The following HAUS1 variants were observed in gnomAD, a reference collection of about 807,000 sequenced individuals.
The protein encoded by HAUS1 is HAUS augmin like complex subunit 1.
In HAUS1, 25 loss-of-function variants were observed where a neutral mutation model predicts 38.6. The ratio of observed to expected loss-of-function variants is 0.65; its 90% CI spans 0.47 to 0.91. HAUS1 has a LOEUF of 0.91. Among genes scored for constraint, HAUS1 ranks in the 40% least tolerant of loss-of-function variants. The pLI, the probability that HAUS1 is intolerant of heterozygous loss-of-function variation, is 0.00. For synonymous variants in HAUS1, 109 were observed against 112.9 expected (o/e 0.97, Z 0.22); for missense variants, 325 against 328.4 (o/e 0.99, Z 0.08).
intron 2 of HAUS1, among the ~76,000 whole-genome samples, chr18:46,110,635 C>T (rs551487533): frequency 3.3e-5 from 5 of 152,134 alleles, no homozygotes; most frequent in African/African-American, 1.2e-4. Context: ...AGTCACCAAC[C>T]TGGCCTTTCA....
At chr18:46,126,164 A>T (rs58475017) in intron 8 of HAUS1, among the ~76,000 whole-genome samples, 2,671 of 152,214 alleles carry the variant, frequency 0.018, 100 homozygotes, top group African/African-American at 0.061. Context: ...AATCCCAGCT[A>T]CTTGGGAGGC....
chr18:46,121,309 C>G (rs867513302), intron 4 of HAUS1, among the ~76,000 whole-genome samples: 4 of 152,040 alleles, frequency 2.6e-5, no homozygotes, highest in African/African-American at 2.4e-5. Context: ...CCTGCCTCAG[C>G]CTTTCAAGTA....
rs1160848675 is a variant in HAUS1, at chr18:46,118,198, C to T, written c.223C>T (p.Leu75Phe). 6.2e-6 allele frequency: 10 copies of T among 1,611,916 alleles called. No individual in the cohort carries two copies. The highest frequency in any genetic ancestry group is 1.7e-5 in the Admixed American group (1 of 59,970). The change falls in exon 3 of 9, where the codon CTT (leucine) becomes TTT (phenylalanine). Residue 75 changes from leucine to phenylalanine, a missense_variant. Transcript: ENST00000282058. Reference sequence around the variant, plus strand: ...GTTTTTAGCCAAGTATCTTCAAGACCTTCTCATGGAGAGTGTGAATTTTTC... The same window carrying T: ...GTTTTTAGCCAAGTATCTTCAAGACTTTCTCATGGAGAGTGTGAATTTTTC... The part of the protein sequence containing the change: ...YESEAKYLQD[L>F]LMESVNFSPA...
intron 4 of HAUS1, 68 bp downstream of exon 4, chr18:46,120,128 G>A: frequency 1.8e-6 from 2 of 1,116,828 alleles, no homozygotes; most frequent in South Asian, 3.6e-5. Flanking sequence ...GTCAAATTTA[G>A]TTTTGGCAGT....
chr18:46,127,999 T>C lies in HAUS1; in HGVS notation c.787-76T>C, dbSNP rs375766510. 2.6e-3 allele frequency: 2,161 copies of C among 842,140 alleles called. 7 individuals carry two copies. Among genetic ancestry groups the C allele is most frequent in the South Asian group, 4.6e-3 (203 of 44,328 alleles). 52.2% of individuals were successfully genotyped at this position (842,140 alleles called of 1,614,324 possible). On this transcript the variant is annotated intron_variant, in intron 8 of 8. Transcript: ENST00000282058. ...CTAATGTTTCCTTTTTTGCTTCCCT[T>C]ATTTTAAATAACATTAAATAAAAGT...
In HAUS1 at chr18:46,123,354, C is replaced by A; in HGVS notation, c.656C>A (p.Ala219Glu). 2 of 1,607,142 alleles carry A rather than the reference C, an allele frequency of 1.2e-6. No homozygotes were observed. ...TCTCTGTCTCATCAGTCCTTAGTAG[C>A]ACTATCAGAGGTGAGCTTATTTTAA... is the stretch of plus-strand genomic sequence containing the variant. ...DASLSHQSLV[A>E]LSEKLARLKQ... Residue 219 changes from alanine (A) to glutamate (E), a missense_variant, in exon 6 of 9, where the codon GCA (alanine) becomes GAA (glutamate). Coordinates refer to ENST00000282058, the MANE Select transcript of HAUS1 (RefSeq NM_138443.4).
At chr18:46,125,684 T>C (rs1912084166) in intron 7 of HAUS1, 60 bp from the exon 8 acceptor site, 2 of 1,185,698 alleles carry the variant, frequency 1.7e-6, no homozygotes, top group South Asian at 2.7e-5. Context: ...TGGCATTATT[T>C]TTCTCCTTGG....
intron 4 of HAUS1, among the ~76,000 whole-genome samples, chr18:46,120,288 A>G (rs1911901191): frequency 1.3e-5 from 2 of 150,758 alleles, no homozygotes; most frequent in African/African-American, 4.9e-5. Flanking sequence ...AGGCTGGAGT[A>G]CAGTGGCACG....
chr18:46,111,728 G>A (rs1311730249), intron 2 of HAUS1, among the ~76,000 whole-genome samples: 6 of 151,960 alleles, frequency 3.9e-5, no homozygotes, highest in Admixed American at 3.3e-4. Flanking sequence ...AAAGTGCTGG[G>A]ATTACAGGCA....
intron 2 of HAUS1, among the ~76,000 whole-genome samples, chr18:46,113,713 G>C (rs1326577114): frequency 6.6e-6 from 1 of 152,042 alleles, no homozygotes; most frequent in East Asian, 1.9e-4. Context: ...CTTATTCTTT[G>C]CATTCCTCTT....
intron 2 of HAUS1, among the ~76,000 whole-genome samples, chr18:46,109,989 C>T (rs1402427372): frequency 6.6e-6 from 1 of 151,902 alleles, no homozygotes. Context: ...CTTTATAATT[C>T]CATAGTTACC....
intron 2 of HAUS1, chr18:46,114,999 C>T (rs1334289057): frequency 2.6e-5 from 4 of 152,178 alleles, no homozygotes; most frequent in Admixed American, 2.6e-4. Context: ...AACTCCCACA[C>T]TATTATGCTG....
chr18:46,106,553 A>G (rs1262686345), intron 2 of HAUS1, among the ~76,000 whole-genome samples: 1 of 152,232 alleles, frequency 6.6e-6, no homozygotes, highest in Non-Finnish European at 1.5e-5. Flanking sequence ...AAGATTGACA[A>G]AAATCTTTTT....
At chr18:46,121,007 C>T (rs1177465219) in intron 4 of HAUS1, among the ~76,000 whole-genome samples, 2 of 152,176 alleles carry the variant, frequency 1.3e-5, no homozygotes. Flanking sequence ...TAGGGTATCC[C>T]TCTTATGATA....
At position 46,105,349 on chromosome 18, in the gene HAUS1, A is replaced by C; in HGVS notation, c.186A>C (p.Ala62=). The change falls in exon 2 of 9, where the codon GCA becomes GCC. Residue 62 remains alanine, a synonymous_variant. Coordinates refer to ENST00000282058, the MANE Select transcript of HAUS1 (RefSeq NM_138443.4). ...TAATAGAGGACTTGAAGCAGAAAGC[A>C]AGTGAATACGAGTCAGAAGGTGAGA... ...YLVIEDLKQK[A]SEYESEAKYL... The C allele has an allele frequency of 6.2e-7, 1 of 1,613,052 alleles. No individual in the cohort carries two copies. Among genetic ancestry groups the C allele is most frequent in the Non-Finnish European group, 8.5e-7 (1 of 1,179,504 alleles).
chr18:46,128,232 T>A lies in HAUS1; in HGVS notation c.*107T>A. ...CTAATAACAAAACTTTCTGTGTTCT[T>A]AGATTACAGAATATCATAATTGATA... On this transcript the variant is annotated 3_prime_UTR_variant, in exon 9 of 9. Coordinates refer to ENST00000282058, the MANE Select transcript of HAUS1 (RefSeq NM_138443.4). 2 of 566,138 alleles carry A rather than the reference T, an allele frequency of 3.5e-6. No homozygotes were observed. The highest frequency in any genetic ancestry group is 6.1e-6 in the Non-Finnish European group (2 of 326,226). The allele number at this position is 566,138 out of a possible 1,614,324, so 35.1% of individuals were successfully genotyped here. A position where few individuals can be genotyped will look rare whatever the true frequency, so the allele number is the denominator to read the frequency against.
chr18:46,123,469 T>G (rs1286522650), intron 6 of HAUS1, 105 bp downstream of exon 6: 9 of 779,564 alleles, frequency 1.2e-5, no homozygotes, highest in Non-Finnish European at 2.0e-5. Flanking sequence ...TGGACCTGAT[T>G]TCTTTTCCTT....
chr18:46,112,087 A>G (rs1284153220), intron 2 of HAUS1, among the ~76,000 whole-genome samples: 2 of 149,670 alleles, frequency 1.3e-5, no homozygotes, highest in African/African-American at 4.9e-5. Flanking sequence ...GGGTTTCACC[A>G]TGTTGGCCAG....
chr18:46,107,290 AC>A (rs1481564155), intron 2 of HAUS1, among the ~76,000 whole-genome samples: 1 of 152,150 alleles, frequency 6.6e-6, no homozygotes, highest in Non-Finnish European at 1.5e-5. Flanking sequence ...AGAGAAAGGG[AC>A]TTGGAGCCCA....
Sources: allele counts gnomAD v4.1 joint callset (sites outside exome capture counted in the v4.1 genomes callset), GRCh38; gene constraint gnomAD v4.1.1; transcripts MANE v1.5; gene names NCBI Gene and HGNC (gene_info 2026-07-23, HGNC 2026-07-21).